The following ZFHX3 variants were observed in gnomAD, a reference collection of about 807,000 sequenced individuals.
ZFHX3 encodes zinc finger homeobox protein 3.
A neutral mutation model predicts 279.1 loss-of-function variants in ZFHX3; 42 were observed. The observed-to-expected ratio is 0.15, with a 90% confidence interval of 0.12 to 0.19. The LOEUF (loss-of-function observed/expected upper bound fraction) is 0.19. Ranked by LOEUF, ZFHX3 falls within the 10% of genes least tolerant of loss-of-function variation. ZFHX3 has a pLI of 1.00. For synonymous variants in ZFHX3, 2,293 were observed against 1,957.8 expected, an observed-to-expected ratio of 1.17 and a Z score of -4.52; for missense variants, 4,981 against 4,754.0, an observed-to-expected ratio of 1.05 and a Z score of -1.40.
intron 1 of ZFHX3, among the ~76,000 whole-genome samples, chr16:73,748,733 T>G (rs1447921316): frequency 6.6e-6 from 1 of 152,238 alleles, no homozygotes; most frequent in East Asian, 1.9e-4. Flanking sequence ...AAAATGGAAG[T>G]GTCTTTGCCT....
chr16:73,516,737 T>C (rs972464672), intron 2 of ZFHX3, among the ~76,000 whole-genome samples: 3 of 152,220 alleles, frequency 2.0e-5, no homozygotes, highest in African/African-American at 7.2e-5. Context: ...AGGAGCTCTG[T>C]CTGACTTGCT....
chr16:73,370,335 T>C (rs990858638), intron 3 of ZFHX3, among the ~76,000 whole-genome samples: 4 of 152,230 alleles, frequency 2.6e-5, no homozygotes, highest in Admixed American at 2.0e-4. Context: ...TTGATTTTTT[T>C]ATTTTTATTT....
intron 3 of ZFHX3, among the ~76,000 whole-genome samples, chr16:72,896,654 A>G (rs1179681121): frequency 6.6e-6 from 1 of 152,244 alleles, no homozygotes; most frequent in Non-Finnish European, 1.5e-5. Context: ...AATCAAAAAA[A>G]CGTGTTCCTG....
chr16:72,854,098 G>A (rs148547439), intron 4 of ZFHX3, among the ~76,000 whole-genome samples: 1 of 152,358 alleles, frequency 6.6e-6, no homozygotes, highest in East Asian at 1.9e-4. Context: ...TCTGTCCCAT[G>A]AGGAGAGCAG....
chr16:73,567,664 A>C (rs2020469997), intron 2 of ZFHX3, among the ~76,000 whole-genome samples: 1 of 152,214 alleles, frequency 6.6e-6, no homozygotes, highest in African/African-American at 2.4e-5. Flanking sequence ...AGGGATGTTG[A>C]CTGACTTCAT....
At position 72,959,533 on chromosome 16, in the gene ZFHX3, C is replaced by G. The variant is rs1270520667; in HGVS notation, c.613G>C (p.Gly205Arg). The G allele has an allele frequency of 4.3e-6, 7 of 1,614,224 alleles. No homozygotes were observed. The highest frequency in any genetic ancestry group is 5.1e-6 in the Non-Finnish European group (6 of 1,180,042). The change falls in exon 2 of 10, where the codon GGG (glycine) becomes CGG (arginine). Residue 205 changes from glycine (G) to arginine (R), a missense_variant. Gly to Arg is a moderately radical substitution (Grantham distance 125). Coordinates refer to ENST00000268489, the MANE Select transcript of ZFHX3 (RefSeq NM_006885.4). ...TGGTCTGGGCCCTCAAACCATTTCCCGAAGGATGAGGCTATGTGGAAAGTG... is the reference window on the plus strand; with the variant it reads ...TGGTCTGGGCCCTCAAACCATTTCCGGAAGGATGAGGCTATGTGGAAAGTG... ...INTFHIASSF[G>R]KWFEGPDQAF...
chr16:73,547,619 G>A (rs1428653084), intron 2 of ZFHX3, among the ~76,000 whole-genome samples: 1 of 152,098 alleles, frequency 6.6e-6, no homozygotes, highest in Non-Finnish European at 1.5e-5. Flanking sequence ...ATGGTGAGTA[G>A]GGCTTGATTT....
At chr16:73,639,464 A>C (rs1380821916) in intron 2 of ZFHX3, among the ~76,000 whole-genome samples, 2 of 152,170 alleles carry the variant, frequency 1.3e-5, no homozygotes, top group African/African-American at 4.8e-5. Context: ...AGAGATCTTT[A>C]TTAACATGCT....
rs140579423 is a variant in ZFHX3, at chr16:73,436,361, C to T, written c.-1291+19642G>A. On this transcript the variant is annotated intron_variant, in intron 3 of 17. Coordinates refer to the ZFHX3 transcript ENST00000641206. The stretch of plus-strand genomic sequence containing the variant: ...TTAAGGGACTCAGAGTTCCATGTGG[C>T]TGGGGAGGCCTCACAATCATGGTGG... Among the ~76,000 whole-genome samples the T allele has an allele frequency of 7.2e-5, 11 of 152,236 alleles. No homozygotes were observed. The East Asian group carries it at 1.9e-3, about 27-fold the overall frequency.
intron 2 of ZFHX3, among the ~76,000 whole-genome samples, chr16:73,662,474 G>T (rs1031408436): frequency 9.1e-6 from 1 of 109,370 alleles, no homozygotes; most frequent in East Asian, 3.9e-4. Context: ...AAACACTTTC[G>T]ATTTTTCTTC....
At chr16:73,245,100 C>G (rs2013239419) in intron 5 of ZFHX3, among the ~76,000 whole-genome samples, 1 of 152,150 alleles carries the variant, frequency 6.6e-6, no homozygotes, top group Non-Finnish European at 1.5e-5. Flanking sequence ...CTTGTATGGA[C>G]AATGATAACT....
At chr16:72,906,371 C>T (rs1431135862) in intron 3 of ZFHX3, among the ~76,000 whole-genome samples, 5 of 151,928 alleles carry the variant, frequency 3.3e-5, no homozygotes, top group East Asian at 3.9e-4. Context: ...GGTCGATGAT[C>T]GCACTGGGGG....
chr16:73,684,522 T>C (rs1336010619), intron 1 of ZFHX3, among the ~76,000 whole-genome samples: 2 of 152,236 alleles, frequency 1.3e-5, no homozygotes, highest in East Asian at 3.9e-4. Context: ...GTAGGTAGAA[T>C]AATGGCTTCC....
chr16:73,704,189 T>A (rs905431019), intron 1 of ZFHX3, among the ~76,000 whole-genome samples: 2 of 152,130 alleles, frequency 1.3e-5, no homozygotes, highest in African/African-American at 4.8e-5. Context: ...CACTCTTTGG[T>A]CACTTCTACC....
At position 73,338,195 on chromosome 16, in the gene ZFHX3, C is replaced by G. The variant is rs78843734; in HGVS notation, c.-1290-19859G>C. Among the ~76,000 whole-genome samples the G allele has an allele frequency of 1.1e-3, 174 of 152,256 alleles. 1 individual carries two copies. Among genetic ancestry groups the G allele is most frequent in the African/African-American group, 4.0e-3 (166 of 41,548 alleles). On this transcript the variant is annotated intron_variant, in intron 3 of 17. Coordinates refer to the ZFHX3 transcript ENST00000641206. ...TTTAAATGTATGACCACAAGTGTCA[C>G]GTGGACCCTCAGCCCTGCCTAGCAA...
At chr16:73,511,649 T>A (rs908966691) in intron 2 of ZFHX3, among the ~76,000 whole-genome samples, 1 of 152,194 alleles carries the variant, frequency 6.6e-6, no homozygotes, top group Admixed American at 6.5e-5. Flanking sequence ...AGGGGCTCTC[T>A]AGGGCAGCAT....
intron 7 of ZFHX3, among the ~76,000 whole-genome samples, chr16:73,121,866 C>T (rs984507475): frequency 2.0e-5 from 3 of 152,206 alleles, no homozygotes; most frequent in South Asian, 4.1e-4. Flanking sequence ...CCACCTGCCT[C>T]GGCCTCCGAA....
chr16:72,850,102 GACTA>G, intron 4 of ZFHX3, among the ~76,000 whole-genome samples: 1 of 152,216 alleles, frequency 6.6e-6, no homozygotes, highest in East Asian at 1.9e-4. Flanking sequence ...CCCCAGACTG[GACTA>G]GGGACAACAC....
intron 2 of ZFHX3, among the ~76,000 whole-genome samples, chr16:73,548,460 G>A (rs1596992056): frequency 6.9e-6 from 1 of 145,888 alleles, no homozygotes; most frequent in Non-Finnish European, 1.5e-5. Context: ...CACTTTGGGT[G>A]TTTAGCCTTT....
Sources: gnomAD v4.1 joint callset for allele counts (sites outside exome capture counted in the v4.1 genomes callset) on GRCh38, gnomAD v4.1.1 for gene constraint, MANE v1.5 for transcripts, NCBI Gene and HGNC (gene_info 2026-07-23, HGNC 2026-07-21) for gene names.